RIMOC1: variants seen among roughly 807,000 people sequenced by gnomAD.
The protein encoded by RIMOC1 is RAB7A-interacting MON1-CCZ1 complex subunit 1.
the RIMOC1 span, chr5:41,910,933 G>A: frequency 8.4e-7 from 1 of 1,196,938 alleles, no homozygotes; most frequent in Non-Finnish European, 1.2e-6. Flanking sequence ...GCTAAACAAA[G>A]GGAACATTTT....
At chr5:41,910,085 A>G in the RIMOC1 span, among the ~76,000 whole-genome samples, 1 of 152,166 alleles carries the variant, frequency 6.6e-6, no homozygotes, top group Non-Finnish European at 1.5e-5. Flanking sequence ...AATGTATTTC[A>G]GAATATTTGC....
chr5:41,906,400 G>T, the RIMOC1 span, among the ~76,000 whole-genome samples: 738 of 152,190 alleles, frequency 4.8e-3, 1 homozygote, highest in Non-Finnish European at 8.1e-3. Flanking sequence ...CCACACCCCT[G>T]CCACAGTAAT....
chr5:41,920,438 A>G, the RIMOC1 span: 4 of 152,194 alleles, frequency 2.6e-5, no homozygotes, highest in Non-Finnish European at 4.4e-5. Context: ...TTGTATGCCT[A>G]CCATATGCCA....
the RIMOC1 span, chr5:41,919,929 G>T: frequency 6.6e-6 from 1 of 152,112 alleles, no homozygotes; most frequent in African/African-American, 2.4e-5. Context: ...AGTGCTTAAT[G>T]CATGGTAGGC....
chr5:41,912,017 A>T, the RIMOC1 span: 1 of 1,085,054 alleles, frequency 9.2e-7, no homozygotes, highest in Non-Finnish European at 1.4e-6. Flanking sequence ...TTTGAAGTTT[A>T]TATATCTCTG....
the RIMOC1 span, chr5:41,918,608 C>G: frequency 1.0e-6 from 1 of 985,306 alleles, no homozygotes; most frequent in Non-Finnish European, 1.2e-6. Flanking sequence ...ATGGGTAGTC[C>G]TTCAAAGTAG....
chr5:41,916,866 G>A, the RIMOC1 span: 1 of 563,330 alleles, frequency 1.8e-6, no homozygotes, highest in Non-Finnish European at 2.9e-6. Context: ...AATGAAGATT[G>A]TGTTAGTCAT....
At chr5:41,910,414 A>G in the RIMOC1 span, among the ~76,000 whole-genome samples, 1 of 151,752 alleles carries the variant, frequency 6.6e-6, no homozygotes, top group Admixed American at 6.6e-5. Flanking sequence ...GATAGTCTCT[A>G]TTCTGTCTTT....
the RIMOC1 span, among the ~76,000 whole-genome samples, chr5:41,905,806 A>T: frequency 1.3e-5 from 2 of 152,244 alleles, no homozygotes; most frequent in African/African-American, 4.8e-5. Context: ...TTTAATCTGG[A>T]ATGAATCAGA....
the RIMOC1 span, among the ~76,000 whole-genome samples, chr5:41,906,918 A>G: frequency 6.6e-6 from 1 of 152,262 alleles, no homozygotes; most frequent in Non-Finnish European, 1.5e-5. Context: ...ACTGAGAGGT[A>G]AACTCAGAGA....
the RIMOC1 span, chr5:41,916,407 AC>A: frequency 1.1e-6 from 1 of 936,448 alleles, no homozygotes; most frequent in Admixed American, 6.2e-5. Flanking sequence ...AAAGAGTTCA[AC>A]TTTTGATGAA....
chr5:41,913,336 G>A, the RIMOC1 span, among the ~76,000 whole-genome samples: 1 of 152,196 alleles, frequency 6.6e-6, no homozygotes, highest in Non-Finnish European at 1.5e-5. Context: ...TACTAAGAAG[G>A]GGGTATTGGG....
chr5:41,918,772 C>T, the RIMOC1 span: 2 of 984,106 alleles, frequency 2.0e-6, no homozygotes, highest in Non-Finnish European at 2.4e-6. Flanking sequence ...GCATATGGCT[C>T]TTTCTCCTAT....
the RIMOC1 span, chr5:41,918,945 G>T: frequency 2.4e-5 from 4 of 167,046 alleles, no homozygotes; most frequent in Non-Finnish European, 4.9e-5. Flanking sequence ...ACAAAGTGTT[G>T]TCTCACTTTC....
chr5:41,904,371 G>T, the RIMOC1 span: 1 of 1,613,300 alleles, frequency 6.2e-7, no homozygotes, highest in Non-Finnish European at 8.5e-7. Context: ...TGTGGCCATG[G>T]CGGCCGCAGT....
chr5:41,916,587 ATCCTAGAGCATAC>A, the RIMOC1 span: 2 of 446,408 alleles, frequency 4.5e-6, no homozygotes, highest in Non-Finnish European at 5.9e-6. Context: ...TATATGAATT[ATCCTAGAGCATAC>A]CCCAAAATAA....
chr5:41,909,986 C>T, the RIMOC1 span: 169 of 1,013,646 alleles, frequency 1.7e-4, no homozygotes, highest in Non-Finnish European at 2.3e-4. Context: ...TTGATTGTAT[C>T]TTTGTTTCTT....
the RIMOC1 span, chr5:41,911,259 G>A: frequency 7.5e-7 from 1 of 1,331,298 alleles, no homozygotes. Context: ...ACTACTAAGA[G>A]TAGTGGATCA....
the RIMOC1 span, chr5:41,909,640 T>C: frequency 1.5e-6 from 1 of 664,292 alleles, no homozygotes; most frequent in Non-Finnish European, 2.3e-6. Flanking sequence ...AGCTAGAAGA[T>C]TTAAATGTGT....
Sources: allele counts gnomAD v4.1 joint callset (sites outside exome capture counted in the v4.1 genomes callset), GRCh38; gene constraint gnomAD v4.1.1; transcripts MANE v1.5; gene names NCBI Gene and HGNC (gene_info 2026-07-23, HGNC 2026-07-21).